The following B3GALT1 variants were observed in gnomAD, a reference collection of about 807,000 sequenced individuals.
The protein encoded by B3GALT1 is beta-1,3-galactosyltransferase 1, also known as UDP-Gal:betaGlcNAc beta 1,3-galactosyltransferase, polypeptide 1.
A neutral mutation model predicts 23.2 loss-of-function variants in B3GALT1; 10 were observed. That is an observed-to-expected ratio of 0.43 (90% CI 0.27 to 0.73). The LOEUF (loss-of-function observed/expected upper bound fraction) is 0.73, where lower values mean the gene tolerates loss of function less well. Among genes scored for constraint, B3GALT1 ranks in the 30% least tolerant of loss-of-function variants. The pLI, the probability that B3GALT1 is intolerant of heterozygous loss-of-function variation, is 0.21. For missense variants in B3GALT1, 299 were observed against 405.4 expected (o/e 0.74, Z 2.25); for synonymous variants, 156 against 141.5 (o/e 1.10, Z -0.73).
intron 1 of B3GALT1, among the ~76,000 whole-genome samples, chr2:167,446,364 G>A (rs1301488884): frequency 6.6e-6 from 1 of 152,170 alleles, no homozygotes; most frequent in African/African-American, 2.4e-5. Flanking sequence ...TTCTCGAGGA[G>A]TATCTTTGTG....
rs76315243 is a variant in B3GALT1 at position 167,679,857 on chromosome 2, C to T, written c.-352+32891C>T. Reference sequence around the variant, plus strand: ...GCTTTTAAATTTCATATTTATCTTACGGGCAGAGGCTGCTTTTTAAAAATA... The same window carrying T: ...GCTTTTAAATTTCATATTTATCTTATGGGCAGAGGCTGCTTTTTAAAAATA... On this transcript the variant is annotated intron_variant, in intron 3 of 4. Coordinates refer to ENST00000392690, the MANE Select transcript of B3GALT1 (RefSeq NM_020981.4). Among the ~76,000 whole-genome samples the T allele has an allele frequency of 7.7e-3, 1,172 of 152,270 alleles. 15 individuals are homozygous for T. The highest frequency in any genetic ancestry group is 0.026 in the African/African-American group (1,099 of 41,556).
chr2:167,471,324 A>G lies in B3GALT1; in HGVS notation c.-510-18853A>G, dbSNP rs113017279. Among the ~76,000 whole-genome samples, 537 of 152,344 alleles carry G rather than the reference A, an allele frequency of 3.5e-3. 3 individuals carry two copies. Among genetic ancestry groups the G allele is most frequent in the African/African-American group, 0.013 (525 of 41,590 alleles). On this transcript the variant is annotated intron_variant, in intron 1 of 4. Transcript: ENST00000392690. ...GAAGAAGCATTCTTACACGCAAGCT[A>G]TCCTTTCACAGGCAGAACAGTTTTA...
chr2:167,527,276 T>A (rs2105365436), intron 2 of B3GALT1, among the ~76,000 whole-genome samples: 1 of 152,224 alleles, frequency 6.6e-6, no homozygotes, highest in Admixed American at 6.5e-5. Flanking sequence ...CTCACACCAC[T>A]CTCTCAATAT....
intron 2 of B3GALT1, among the ~76,000 whole-genome samples, chr2:167,516,592 A>G (rs1402559413): frequency 1.3e-5 from 2 of 152,056 alleles, no homozygotes; most frequent in Non-Finnish European, 2.9e-5. Context: ...AATATTAGAA[A>G]TAATAGTATT....
At chr2:167,398,424 T>C (rs990021106) in intron 1 of B3GALT1, among the ~76,000 whole-genome samples, 2 of 152,084 alleles carry the variant, frequency 1.3e-5, no homozygotes, top group African/African-American at 4.8e-5. Context: ...TATTTTTATC[T>C]CTATTGCTAT....
In B3GALT1 at chr2:167,717,069, T is replaced by C. The variant is rs776413161; in HGVS notation, c.-352+70103T>C. Among the ~76,000 whole-genome samples, 3 of 152,194 alleles carry C rather than the reference T, an allele frequency of 2.0e-5. No individual in the cohort carries two copies. The East Asian group carries it at 5.8e-4, about 29-fold the overall frequency. On this transcript the variant is annotated intron_variant, in intron 3 of 4. Transcript: ENST00000392690. ...TCAATCATAATTTAGGAAATTAGAA[T>C]CTGTGAAAATAAAGTGAGCATTTTA...
At chr2:167,500,217 A>G (rs946381407) in intron 2 of B3GALT1, among the ~76,000 whole-genome samples, 3 of 152,174 alleles carry the variant, frequency 2.0e-5, no homozygotes, top group South Asian at 2.1e-4. Flanking sequence ...ACCTCTGTCA[A>G]TCTTAATTGA....
chr2:167,729,287 C>G (rs1687369747), intron 3 of B3GALT1, among the ~76,000 whole-genome samples: 1 of 152,214 alleles, frequency 6.6e-6, no homozygotes, highest in African/African-American at 2.4e-5. Context: ...TGGTGGAAGA[C>G]AAACATTGTC....
chr2:167,365,908 AAG>A (rs1344668458), intron 1 of B3GALT1, among the ~76,000 whole-genome samples: 1 of 152,166 alleles, frequency 6.6e-6, no homozygotes, highest in African/African-American at 2.4e-5. Context: ...ATTTATGTGG[AAG>A]GAAACTGAAT....
intron 3 of B3GALT1, among the ~76,000 whole-genome samples, chr2:167,752,516 G>GT (rs540744772): frequency 0.053 from 7,574 of 144,058 alleles, 213 homozygotes; most frequent in East Asian, 0.089. Flanking sequence ...TACTCTATTT[G>GT]TTTTTTTTTT....
At chr2:167,866,929 G>T (rs1456558893) in intron 4 of B3GALT1, among the ~76,000 whole-genome samples, 1 of 151,972 alleles carries the variant, frequency 6.6e-6, no homozygotes, top group African/African-American at 2.4e-5. Flanking sequence ...CCCAAGTTGA[G>T]AAGCTCTTTT....
intron 4 of B3GALT1, among the ~76,000 whole-genome samples, chr2:167,858,639 G>C (rs1364463057): frequency 6.6e-6 from 1 of 152,156 alleles, no homozygotes; most frequent in Non-Finnish European, 1.5e-5. Context: ...ACAGGCTTCA[G>C]AGCTGATGAC....
chr2:167,692,132 C>G (rs1686724359), intron 3 of B3GALT1, among the ~76,000 whole-genome samples: 1 of 152,118 alleles, frequency 6.6e-6, no homozygotes, highest in Non-Finnish European at 1.5e-5. Flanking sequence ...TTGGTCTAGG[C>G]ACCTTCCAAC....
intron 4 of B3GALT1, among the ~76,000 whole-genome samples, chr2:167,832,335 T>C (rs1689369368): frequency 6.6e-6 from 1 of 152,206 alleles, no homozygotes; most frequent in Non-Finnish European, 1.5e-5. Flanking sequence ...TATACATTAT[T>C]AGCAAAAGTA....
At chr2:167,491,543 A>G (rs1489685300) in intron 2 of B3GALT1, among the ~76,000 whole-genome samples, 1 of 142,124 alleles carries the variant, frequency 7.0e-6, no homozygotes, top group African/African-American at 2.7e-5. Context: ...GGCTGGGTGC[A>G]GTGGCTTACG....
chr2:167,727,960 G>T (rs1687346274), intron 3 of B3GALT1, among the ~76,000 whole-genome samples: 2 of 152,186 alleles, frequency 1.3e-5, no homozygotes, highest in Admixed American at 1.3e-4. Context: ...GTCTGAATCA[G>T]TCACACTAGC....
chr2:167,652,043 CA>C (rs1685878249), intron 3 of B3GALT1, among the ~76,000 whole-genome samples: 1 of 152,110 alleles, frequency 6.6e-6, no homozygotes, highest in Admixed American at 6.6e-5. Context: ...CAACCAAACC[CA>C]CAAGAGCCAC....
intron 2 of B3GALT1, among the ~76,000 whole-genome samples, chr2:167,588,282 A>G (rs996627226): frequency 1.3e-5 from 2 of 152,188 alleles, no homozygotes; most frequent in Non-Finnish European, 2.9e-5. Flanking sequence ...ACATTGTGGT[A>G]TATATTTCTT....
intron 3 of B3GALT1, among the ~76,000 whole-genome samples, chr2:167,755,492 C>A (rs1687802672): frequency 6.8e-6 from 1 of 147,332 alleles, no homozygotes; most frequent in Admixed American, 6.7e-5. Context: ...CTTCCTCACC[C>A]CTCCAATCAA....
Sources: gnomAD v4.1 joint callset for allele counts (sites outside exome capture counted in the v4.1 genomes callset) on GRCh38, gnomAD v4.1.1 for gene constraint, MANE v1.5 for transcripts, NCBI Gene and HGNC (gene_info 2026-07-23, HGNC 2026-07-21) for gene names.